TMEM131L: variants seen among roughly 807,000 people sequenced by gnomAD.
TMEM131L encodes the protein transmembrane protein 131-like.
In TMEM131L, 54 loss-of-function variants were observed where a neutral mutation model predicts 192.2. The ratio of observed to expected loss-of-function variants is 0.28; its 90% confidence interval spans 0.23 to 0.35. The LOEUF (loss-of-function observed/expected upper bound fraction) is 0.35, where lower values mean the gene tolerates loss of function less well. Among genes scored for constraint, TMEM131L ranks in the 10% least tolerant of loss-of-function variants. The probability of loss-of-function intolerance (pLI) is 1.00; values close to 1 mark genes in which losing one functional copy is unlikely to be tolerated. For missense variants in TMEM131L, 1,888 were observed against 1,972.9 expected (o/e 0.96, Z 0.82); for synonymous variants, 701 against 704.9 (o/e 0.99, Z 0.09).
At chr4:153,496,196 C>T (rs1015396264) in intron 3 of TMEM131L, among the ~76,000 whole-genome samples, 1 of 152,196 alleles carries the variant, frequency 6.6e-6, no homozygotes, top group African/African-American at 2.4e-5. Context: ...TCAAATTATC[C>T]TTGCCTAAGC....
chr4:153,473,805 C>T, intron 2 of TMEM131L, 40 bp from the exon 3 acceptor site: 1 of 1,515,338 alleles, frequency 6.6e-7, no homozygotes, highest in Non-Finnish European at 8.9e-7. Flanking sequence ...AACAAACGAA[C>T]AAACAGAAAC....
At chr4:153,607,879 C>T (rs1436807971) in intron 25 of TMEM131L, among the ~76,000 whole-genome samples, 1 of 152,186 alleles carries the variant, frequency 6.6e-6, no homozygotes. Flanking sequence ...ATCACTTGAG[C>T]CCAGGAGTTC....
intron 7 of TMEM131L, among the ~76,000 whole-genome samples, chr4:153,579,869 T>TC (rs1477870231): frequency 6.6e-6 from 1 of 152,226 alleles, no homozygotes; most frequent in Non-Finnish European, 1.5e-5. Flanking sequence ...GTTTTATAAA[T>TC]CTAACAAACA....
intron 7 of TMEM131L, among the ~76,000 whole-genome samples, chr4:153,575,422 G>A (rs2150669015): frequency 6.6e-6 from 1 of 152,242 alleles, no homozygotes; most frequent in African/African-American, 2.4e-5. Flanking sequence ...ATATATCCCT[G>A]TGTTGATGGA....
Position 153,602,744 on chromosome 4 carries a change from T to C in TMEM131L, c.2639+17T>C, listed in dbSNP as rs1472441865. On this transcript the variant is annotated intron_variant, in intron 23 of 34. Coordinates refer to ENST00000409959, the MANE Select transcript of TMEM131L (RefSeq NM_001131007.2). ...CTTTGTCAGGTAAACCACTACTGTC[T>C]CCCTTGTTCTCTCACTGAGTAGAGA... The C allele has an allele frequency of 6.2e-7, 1 of 1,611,076 alleles. No homozygotes were observed. The highest frequency in any genetic ancestry group is 8.5e-7 in the Non-Finnish European group (1 of 1,178,060).
intron 1 of TMEM131L, 44 bp from the exon 2 acceptor site, chr4:153,467,167 T>C (rs925947886): frequency 1.2e-5 from 18 of 1,534,686 alleles, no homozygotes; most frequent in African/African-American, 2.7e-5. Context: ...AGCGTTTCTT[T>C]AGCGTGCATT....
chr4:153,558,224 T>G (rs1173870319), intron 6 of TMEM131L, 34 bp from the exon 7 acceptor site: 1 of 1,202,984 alleles, frequency 8.3e-7, no homozygotes, highest in South Asian at 1.3e-5. Flanking sequence ...TTAAAACTCT[T>G]AACAGAGGAG....
At chr4:153,560,998 C>A (rs1728810018) in intron 7 of TMEM131L, among the ~76,000 whole-genome samples, 1 of 152,190 alleles carries the variant, frequency 6.6e-6, no homozygotes, top group African/African-American at 2.4e-5. Context: ...TTTACAATCC[C>A]ACTAGCAATG....
chr4:153,483,861 T>C (rs950038237), intron 3 of TMEM131L, among the ~76,000 whole-genome samples: 3 of 152,196 alleles, frequency 2.0e-5, no homozygotes, highest in Non-Finnish European at 2.9e-5. Context: ...GCTTCTCTTA[T>C]GCAGTGGACA....
chr4:153,576,675 T>TAAAA (rs11313932), intron 7 of TMEM131L, among the ~76,000 whole-genome samples: 2 of 141,158 alleles, frequency 1.4e-5, no homozygotes, highest in African/African-American at 5.1e-5. Context: ...GTAGATTTCT[T>TAAAA]AAAAAAAAAA....
At chr4:153,497,056 T>G (rs1454898952) in intron 3 of TMEM131L, among the ~76,000 whole-genome samples, 1 of 150,540 alleles carries the variant, frequency 6.6e-6, no homozygotes, top group African/African-American at 2.4e-5. Context: ...GAAATGGGGT[T>G]TTGCCATGTT....
chr4:153,563,118 G>A (rs1728949834), intron 7 of TMEM131L, among the ~76,000 whole-genome samples: 1 of 152,150 alleles, frequency 6.6e-6, no homozygotes, highest in Non-Finnish European at 1.5e-5. Context: ...TGTACCCAAG[G>A]ATCCCTGAAC....
chr4:153,583,632 T>G lies in TMEM131L; in HGVS notation c.1020T>G (p.Ser340=). ...LQFEPVLLPT[S]TTNFTKIASF... is the part of the protein sequence containing the mutation. ...TTGAACCAGTACTACTACCTACTTC[T>G]ACAACAAACTTTACAAAAATTGCTT... The change falls in exon 11 of 35, where the codon TCT becomes TCG. Residue 340 remains serine, a synonymous_variant. Transcript: ENST00000409959. 2 of 1,608,134 alleles carry G rather than the reference T, an allele frequency of 1.2e-6. No homozygotes were observed. Among genetic ancestry groups the G allele is most frequent in the Non-Finnish European group, 1.7e-6 (2 of 1,178,078 alleles).
At chr4:153,620,634 C>T in intron 26 of TMEM131L, 122 bp from the exon 27 acceptor site, 1 of 521,408 alleles carries the variant, frequency 1.9e-6, no homozygotes. Context: ...GAGCAACATA[C>T]TTCTCAGTTT....
chr4:153,598,527 T>C (rs13145743), intron 20 of TMEM131L, 63 bp from the exon 21 acceptor site: 419,881 of 1,325,570 alleles, frequency 0.32, 70,398 homozygotes, highest in Non-Finnish European at 0.34. Context: ...TATTTAAATT[T>C]AAGTACATTG....
chr4:153,518,538 G>C (rs1734892937), intron 3 of TMEM131L, among the ~76,000 whole-genome samples: 1 of 151,938 alleles, frequency 6.6e-6, no homozygotes, highest in African/African-American at 2.4e-5. Flanking sequence ...AAAATCACTG[G>C]AGAGAAAAAT....
At chr4:153,481,885 T>C (rs1302154379) in intron 3 of TMEM131L, among the ~76,000 whole-genome samples, 1 of 151,962 alleles carries the variant, frequency 6.6e-6, no homozygotes, top group Non-Finnish European at 1.5e-5. Context: ...TCTCACTCTG[T>C]CAGCAGGCTG....
rs188609002 is a variant in TMEM131L, at chr4:153,476,398, T to C, written c.239+2510T>C. Among the ~76,000 whole-genome samples the C allele has an allele frequency of 1.1e-3, 170 of 152,290 alleles. 1 individual carries two copies. Among genetic ancestry groups the C allele is most frequent in the African/African-American group, 3.9e-3 (162 of 41,570 alleles). On this transcript the variant is annotated intron_variant, in intron 3 of 34. Transcript: ENST00000409959. ...GCTTTGAACATAACTATGTATTCAGTTAAAATTCCTTGGGTAGGGCCAGGC... is the reference window on the plus strand; with the variant it reads ...GCTTTGAACATAACTATGTATTCAGCTAAAATTCCTTGGGTAGGGCCAGGC...
chr4:153,467,231 G>C lies in TMEM131L; in HGVS notation c.145G>C (p.Val49Leu). 6.4e-7 allele frequency: 1 copy of C among 1,551,756 alleles called. No homozygotes were observed. Among genetic ancestry groups the C allele is most frequent in the Non-Finnish European group, 8.7e-7 (1 of 1,146,988 alleles). ...TGCAGCGATTGAGCCGTTGCCGAAC[G>C]TGGTGGAGCTGTGGCAGGCAGAAGA... ...QGQAIEPLPN[V>L]VELWQAEEGE... Residue 49 changes from valine (V) to leucine (L), a missense_variant, in exon 2 of 35, where the codon GTG (valine) becomes CTG (leucine). Val to Leu is a conservative substitution (Grantham distance 32). Coordinates refer to ENST00000409959, the MANE Select transcript of TMEM131L (RefSeq NM_001131007.2).
Sources: gnomAD v4.1 joint callset for allele counts (sites outside exome capture counted in the v4.1 genomes callset) on GRCh38, gnomAD v4.1.1 for gene constraint, MANE v1.5 for transcripts, NCBI Gene and HGNC (gene_info 2026-07-23, HGNC 2026-07-21) for gene names.